The following ANKUB1 variants were observed in gnomAD, a reference collection of about 807,000 sequenced individuals.
The protein encoded by ANKUB1 is protein ANKUB1.
Under a neutral mutation model 49.3 loss-of-function variants are expected in ANKUB1, and 42 were observed. The ratio of observed to expected loss-of-function variants is 0.85; its 90% confidence interval spans 0.67 to 1.10. The LOEUF (loss-of-function observed/expected upper bound fraction) is 1.10, where lower values mean the gene tolerates loss of function less well. Among genes scored for constraint, ANKUB1 ranks in the 50% least tolerant of loss-of-function variants. ANKUB1 has a pLI of 0.00. For missense variants in ANKUB1, 613 were observed against 642.0 expected (o/e 0.95, Z 0.49); for synonymous variants, 222 against 231.0 (o/e 0.96, Z 0.35).
intron 3 of ANKUB1, chr3:149,779,950 G>T (rs867608863): frequency 2.7e-6 from 1 of 372,642 alleles, no homozygotes; most frequent in South Asian, 3.6e-5. Flanking sequence ...ATTTAATTTG[G>T]AAATGGTTTT....
chr3:149,790,959 A>C, intron 1 of ANKUB1, 35 bp from the exon 2 acceptor site: 1 of 1,536,704 alleles, frequency 6.5e-7, no homozygotes, highest in Non-Finnish European at 8.8e-7. Context: ...AAAACAGTAC[A>C]TCCTTACGTT....
At chr3:149,775,446 T>G (rs1195737102) in intron 3 of ANKUB1, among the ~76,000 whole-genome samples, 1 of 152,200 alleles carries the variant, frequency 6.6e-6, no homozygotes, top group Admixed American at 6.5e-5. Context: ...TCAGATCACT[T>G]AACTTCTCTG....
At chr3:149,782,663 C>T (rs945396251) in intron 2 of ANKUB1, among the ~76,000 whole-genome samples, 6 of 152,086 alleles carry the variant, frequency 3.9e-5, no homozygotes, top group African/African-American at 1.4e-4. Context: ...CCTCCCACCT[C>T]AGCCTCCCAA....
chr3:149,791,123 A>G (rs998808406), intron 1 of ANKUB1, among the ~76,000 whole-genome samples, 199 bp from the exon 2 acceptor site: 2 of 152,190 alleles, frequency 1.3e-5, no homozygotes, highest in Admixed American at 6.5e-5. Context: ...AAGAAACTAC[A>G]TCTTTATTTT....
intron 3 of ANKUB1, among the ~76,000 whole-genome samples, chr3:149,776,826 A>T (rs537569364): frequency 7.0e-6 from 1 of 141,852 alleles, no homozygotes; most frequent in East Asian, 2.0e-4. Flanking sequence ...CACACACACA[A>T]ATTAGCCAGG....
At chr3:149,785,203 G>A (rs1437524833) in intron 2 of ANKUB1, among the ~76,000 whole-genome samples, 2 of 152,018 alleles carry the variant, frequency 1.3e-5, no homozygotes, top group Non-Finnish European at 2.9e-5. Context: ...ATTGATTATG[G>A]CTTCCGTAAG....
intron 5 of ANKUB1, among the ~76,000 whole-genome samples, chr3:149,762,558 A>G (rs1383309520): frequency 6.6e-6 from 1 of 152,128 alleles, no homozygotes; most frequent in East Asian, 1.9e-4. Flanking sequence ...GTTCTAGTCC[A>G]GGTCTTTATT....
chr3:149,791,312 T>G (rs984919610), intron 1 of ANKUB1, among the ~76,000 whole-genome samples: 4 of 152,228 alleles, frequency 2.6e-5, no homozygotes, highest in Non-Finnish European at 4.4e-5. Flanking sequence ...ATTTTGAAAA[T>G]AATAGTTATT....
Position 149,770,558 on chromosome 3 carries a change from A to G in ANKUB1, c.566+2T>C, listed in dbSNP as rs1230519076. 1.5e-5 allele frequency: 23 copies of G among 1,529,502 alleles called. No homozygotes were observed. Among genetic ancestry groups the G allele is most frequent in the Non-Finnish European group, 1.9e-5 (21 of 1,131,596 alleles). The allele number at this position is 1,529,502 out of a possible 1,614,324, so 94.7% of individuals were successfully genotyped here. On this transcript the variant is annotated splice_donor_variant, in intron 4 of 5. Transcript: ENST00000446160. LOFTEE classifies it high-confidence loss of function. Reference sequence around the variant, plus strand: ...AGTTAATTTAAAATTAATTTCTCATACTTGAGTACTGGTCCTTCTTTTGAT... The same window carrying G: ...AGTTAATTTAAAATTAATTTCTCATGCTTGAGTACTGGTCCTTCTTTTGAT...
Position 149,767,164 on chromosome 3 carries a change from C to A in ANKUB1, c.1498G>T (p.Val500Leu). ...TTAAGGGGAGAACATTACCTTGCCACAGCTAAGCAGTAGATTGCGTTCTCC... is the reference window on the plus strand; with the variant it reads ...TTAAGGGGAGAACATTACCTTGCCAAAGCTAAGCAGTAGATTGCGTTCTCC... The part of the protein sequence containing the change: ...PWENAIYCLA[V>L]ASAFKEKRWL... Residue 500 changes from valine (V) to leucine (L), a missense_variant, in exon 5 of 6, where the codon GTG becomes TTG. Physicochemically the swap from Val to Leu is conservative, Grantham distance 32. Transcript: ENST00000446160. 1 of 1,519,390 alleles carries A rather than the reference C, an allele frequency of 6.6e-7. No homozygotes were observed. Among genetic ancestry groups the A allele is most frequent in the Non-Finnish European group, 8.8e-7 (1 of 1,134,416 alleles). The allele number at this position is 1,519,390 out of a possible 1,614,324, so 94.1% of individuals were successfully genotyped here. A position where few individuals can be genotyped will look rare whatever the true frequency, so the allele number is the denominator to read the frequency against.
intron 3 of ANKUB1, among the ~76,000 whole-genome samples, chr3:149,774,358 A>G (rs768445320): frequency 6.6e-6 from 1 of 152,088 alleles, no homozygotes; most frequent in Non-Finnish European, 1.5e-5. Flanking sequence ...CCTGAGGATC[A>G]CCCTCTGCCT....
chr3:149,789,529 C>T (rs999499785), intron 2 of ANKUB1, among the ~76,000 whole-genome samples: 14 of 152,146 alleles, frequency 9.2e-5, no homozygotes, highest in African/African-American at 2.2e-4. Flanking sequence ...ACATTAAAAA[C>T]GTATGTAAAT....
intron 4 of ANKUB1, among the ~76,000 whole-genome samples, chr3:149,769,721 T>G (rs1179812941): frequency 6.6e-6 from 1 of 152,216 alleles, no homozygotes; most frequent in Admixed American, 6.5e-5. Context: ...AATTGTTTTA[T>G]GGGCACTGGA....
intron 3 of ANKUB1, among the ~76,000 whole-genome samples, chr3:149,773,057 T>A (rs1453199396): frequency 1.3e-5 from 2 of 152,250 alleles, no homozygotes; most frequent in Non-Finnish European, 2.9e-5. Context: ...CTCAGCCAGC[T>A]GGGAATTTCC....
In ANKUB1 at chr3:149,761,365, G is replaced by T; in HGVS notation, c.*119C>A. ...TGTTAAATATCCTATTAAAAGTTAT[G>T]TGGCATTATAACTGTTACTAGAGAT... is the stretch of plus-strand genomic sequence containing the variant. On this transcript the variant is annotated 3_prime_UTR_variant, in exon 6 of 6. Coordinates refer to ENST00000446160, the MANE Select transcript of ANKUB1 (RefSeq NM_001144960.3). 2.6e-6 allele frequency: 3 copies of T among 1,163,432 alleles called. No individual in the cohort carries two copies. Among genetic ancestry groups the T allele is most frequent in the East Asian group, 5.2e-5 (2 of 38,290 alleles). The allele number at this position is 1,163,432 out of a possible 1,614,324, so 72.1% of individuals were successfully genotyped here.
chr3:149,763,250 C>T (rs1716852713), intron 5 of ANKUB1, among the ~76,000 whole-genome samples: 2 of 152,196 alleles, frequency 1.3e-5, no homozygotes, highest in African/African-American at 4.8e-5. Context: ...CTGTATCCCA[C>T]CAGACTTAGT....
intron 5 of ANKUB1, among the ~76,000 whole-genome samples, chr3:149,765,952 C>T (rs1716994483): frequency 6.6e-6 from 1 of 152,194 alleles, no homozygotes; most frequent in South Asian, 2.1e-4. Flanking sequence ...TGGCAACAAC[C>T]TAACTGAAAT....
At chr3:149,779,992 C>T in intron 3 of ANKUB1, 1 of 483,422 alleles carries the variant, frequency 2.1e-6, no homozygotes, top group South Asian at 3.0e-5. Context: ...TAATGGTTGC[C>T]TGTGAGGAGG....
chr3:149,791,336 G>A (rs569935851), intron 1 of ANKUB1, among the ~76,000 whole-genome samples: 1 of 152,292 alleles, frequency 6.6e-6, no homozygotes, highest in East Asian at 1.9e-4. Flanking sequence ...TGAGCTGCTA[G>A]AACTTGTTAG....
Sources: allele counts gnomAD v4.1 joint callset (sites outside exome capture counted in the v4.1 genomes callset), GRCh38; gene constraint gnomAD v4.1.1; transcripts MANE v1.5; gene names NCBI Gene and HGNC (gene_info 2026-07-23, HGNC 2026-07-21).